NPSR1: variants seen among roughly 807,000 people sequenced by gnomAD.
The protein encoded by NPSR1 is neuropeptide S receptor.
NPSR1 carries 48 observed loss-of-function variants against 46.9 expected under a neutral mutation model. That is an observed-to-expected ratio of 1.02 (90% CI 0.81 to 1.30). NPSR1 has a LOEUF of 1.30. Among genes scored for constraint, NPSR1 ranks in the 50% most tolerant of loss-of-function variants. The pLI, the probability that NPSR1 is intolerant of heterozygous loss-of-function variation, is 0.00. For synonymous variants in NPSR1, 176 were observed against 168.1 expected (o/e 1.05, Z -0.36); for missense variants, 450 against 449.5 (o/e 1.00, Z -0.01).
downstream of NPSR1, among the ~76,000 whole-genome samples, chr7:34,852,529 G>A (rs1790961284): frequency 6.6e-6 from 1 of 152,162 alleles, no homozygotes; most frequent in South Asian, 2.1e-4. Flanking sequence ...TCCAGAGACT[G>A]AGAGCTTCTG....
intron 3 of NPSR1, among the ~76,000 whole-genome samples, chr7:34,807,069 T>C (rs540931170): frequency 2.8e-4 from 42 of 152,300 alleles, no homozygotes; most frequent in African/African-American, 8.9e-4. Flanking sequence ...AGAGTTTTCA[T>C]TGTTGACATT....
chr7:34,688,303 G>T (rs10256489), intron 2 of NPSR1, among the ~76,000 whole-genome samples: 2,166 of 152,144 alleles, frequency 0.014, 47 homozygotes, highest in African/African-American at 0.05. Context: ...TAACCAGGAA[G>T]GCAACAATAC....
intron 5 of NPSR1, among the ~76,000 whole-genome samples, chr7:34,830,017 C>A (rs1000722523): frequency 6.6e-6 from 1 of 152,216 alleles, no homozygotes; most frequent in African/African-American, 2.4e-5. Flanking sequence ...GCTGAAGAAA[C>A]AACTTCTCTC....
rs114328098 is a variant in NPSR1 at position 34,778,508 on chromosome 7, A to G, written c.327A>G (p.Arg109=). 511 of 1,613,008 alleles carry G rather than the reference A, an allele frequency of 3.2e-4. 1 individual carries two copies. The African/African-American group carries it at 6.2e-3, about 20-fold the overall frequency. ...ACATCTTGACAGATATTAATTGGCG[A>G]TTCACTGGAGACTTCACGGCACCTG... ...LVNILTDINW[R]FTGDFTAPDL... The change falls in exon 3 of 9, where the codon CGA becomes CGG. Residue 109 remains arginine (R), a synonymous_variant. Coordinates refer to ENST00000360581, the MANE Select transcript of NPSR1 (RefSeq NM_207172.2).
At chr7:34,744,039 G>C (rs1050848274) in intron 2 of NPSR1, among the ~76,000 whole-genome samples, 19 of 152,126 alleles carry the variant, frequency 1.2e-4, no homozygotes, top group Non-Finnish European at 2.6e-4. Context: ...TATCCTTGCT[G>C]ATTATTATTA....
At chr7:34,684,412 G>T in intron 1 of NPSR1, 140 bp from the exon 2 acceptor site, 1 of 743,424 alleles carries the variant, frequency 1.3e-6, no homozygotes. Flanking sequence ...AGACCATTTT[G>T]TCATTGTTTT....
In NPSR1 at chr7:34,834,452, A is replaced by G. The variant is rs778550553; in HGVS notation, c.749A>G (p.Asn250Ser). 3.7e-6 allele frequency: 6 copies of G among 1,610,296 alleles called. No homozygotes were observed. Among genetic ancestry groups the G allele is most frequent in the Non-Finnish European group, 5.1e-6 (6 of 1,176,562 alleles). ...KSKTYETVIS[N>S]CSDGKLCSSY... ...AAAACCTACGAAACAGTGATTTCCA[A>G]CTGCTCAGGTAAGTCTCTACTCTGC... Residue 250 changes from asparagine (N) to serine (S), a missense_variant, in exon 6 of 9, where the codon AAC becomes AGC. By Grantham distance (46) the Asn-to-Ser change is conservative. Coordinates refer to ENST00000360581, the MANE Select transcript of NPSR1 (RefSeq NM_207172.2).
At chr7:34,710,858 C>G in intron 2 of NPSR1, 2 of 477,692 alleles carry the variant, frequency 4.2e-6, no homozygotes, top group East Asian at 1.1e-4. Context: ...ACCTGAGAAA[C>G]AAGTTTGCCT....
rs745958135 is a variant in NPSR1, at chr7:34,848,515, T to C, written c.877T>C (p.Phe293Leu). ...FICCWSPYFL[F>L]DILDNFNLLP... ...CTGCTGTTGGAGTCCATACTTCCTG[T>C]TTGACATTTTGGACAATTTCAACCT... The change falls in exon 8 of 9, where the codon TTT becomes CTT. Residue 293 changes from phenylalanine to leucine, a missense_variant. By Grantham distance (22) the Phe-to-Leu change is conservative. Transcript: ENST00000360581. 4.5e-5 allele frequency: 72 copies of C among 1,614,054 alleles called. No individual in the cohort carries two copies. Among genetic ancestry groups the C allele is most frequent in the Non-Finnish European group, 5.8e-5 (69 of 1,180,026 alleles).
intron 6 of NPSR1, among the ~76,000 whole-genome samples, chr7:34,841,874 A>G (rs890569151): frequency 6.6e-6 from 1 of 152,352 alleles, no homozygotes; most frequent in African/African-American, 2.4e-5. Context: ...AGGAACAGCC[A>G]GTGGGGACAC....
chr7:34,836,647 G>A (rs535550964), intron 6 of NPSR1, among the ~76,000 whole-genome samples: 2 of 144,598 alleles, frequency 1.4e-5, no homozygotes, highest in African/African-American at 2.6e-5. Flanking sequence ...GAAAGAAAGA[G>A]AAAGAAAGAC....
At chr7:34,672,943 C>A (rs969043400) in intron 1 of NPSR1, among the ~76,000 whole-genome samples, 1 of 152,162 alleles carries the variant, frequency 6.6e-6, no homozygotes, top group African/African-American at 2.4e-5. Context: ...TCATTGTAAA[C>A]CTTTCTCTGC....
At chr7:34,726,516 T>G (rs1012720340) in intron 2 of NPSR1, among the ~76,000 whole-genome samples, 3 of 152,214 alleles carry the variant, frequency 2.0e-5, no homozygotes, top group Non-Finnish European at 1.5e-5. Context: ...TTGGTATTTA[T>G]CCAAATGAAT....
chr7:34,870,664 G>A (rs965479461), intron 8 of NPSR1, among the ~76,000 whole-genome samples: 4 of 151,750 alleles, frequency 2.6e-5, no homozygotes, highest in Non-Finnish European at 5.9e-5. Flanking sequence ...ACAAGCATGG[G>A]GATCCCTAGA....
intron 2 of NPSR1, among the ~76,000 whole-genome samples, chr7:34,730,110 G>A (rs568110902): frequency 1.1e-4 from 16 of 152,294 alleles, no homozygotes; most frequent in Admixed American, 7.2e-4. Flanking sequence ...TGACTTACAT[G>A]AAGAAAATCG....
downstream of NPSR1, among the ~76,000 whole-genome samples, chr7:34,851,734 C>T (rs934218337): frequency 5.9e-5 from 9 of 152,106 alleles, no homozygotes; most frequent in African/African-American, 2.2e-4. Context: ...ACATTACATG[C>T]CTACCTCATC....
chr7:34,759,716 C>T (rs781242776), intron 2 of NPSR1, among the ~76,000 whole-genome samples: 7 of 152,190 alleles, frequency 4.6e-5, no homozygotes, highest in Non-Finnish European at 8.8e-5. Flanking sequence ...CAATCTACCA[C>T]TAGATGTCCT....
chr7:34,872,560 T>C (rs1466048120), intron 8 of NPSR1, among the ~76,000 whole-genome samples: 3 of 151,828 alleles, frequency 2.0e-5, no homozygotes, highest in Non-Finnish European at 4.4e-5. Context: ...GATAGAGACA[T>C]ACCCAAGACT....
intron 2 of NPSR1, among the ~76,000 whole-genome samples, chr7:34,698,287 T>A (rs1793636651): frequency 6.6e-6 from 1 of 152,212 alleles, no homozygotes; most frequent in African/African-American, 2.4e-5. Context: ...AATTATATAC[T>A]TATGATTTTG....
Sources: gnomAD v4.1 joint callset for allele counts (sites outside exome capture counted in the v4.1 genomes callset) on GRCh38, gnomAD v4.1.1 for gene constraint, MANE v1.5 for transcripts, NCBI Gene and HGNC (gene_info 2026-07-23, HGNC 2026-07-21) for gene names.